Variants in PPFIBP2 observed in about 807,000 individuals in gnomAD.
PPFIBP2 encodes liprin-beta-2.
PPFIBP2 carries 118 observed loss-of-function variants against 118.3 expected under a neutral mutation model. The ratio of observed to expected loss-of-function variants is 1.00; its 90% CI spans 0.86 to 1.16. PPFIBP2 has a LOEUF of 1.16. PPFIBP2 is among the 50% of genes most tolerant of loss of function. The pLI, the probability that PPFIBP2 is intolerant of heterozygous loss-of-function variation, is 0.00. For missense variants in PPFIBP2, 1,195 were observed against 1,073.1 expected (o/e 1.11, Z -1.59); for synonymous variants, 414 against 397.4 (o/e 1.04, Z -0.50).
intron 2 of PPFIBP2, 65 bp from the exon 3 acceptor site, chr11:7,565,487 CT>C: frequency 6.5e-7 from 1 of 1,544,308 alleles, no homozygotes; most frequent in Non-Finnish European, 8.9e-7. Context: ...CACCTTTGCT[CT>C]TTACTAGTAC....
At chr11:7,586,305 T>C (rs7933428) in intron 3 of PPFIBP2, among the ~76,000 whole-genome samples, 15,587 of 152,274 alleles carry the variant, frequency 0.1, 853 homozygotes, top group South Asian at 0.15. Flanking sequence ...TTAAAACTTT[T>C]TGTAGAAGGC....
intron 3 of PPFIBP2, among the ~76,000 whole-genome samples, chr11:7,582,058 G>A (rs1590358633): frequency 6.6e-6 from 1 of 152,028 alleles, no homozygotes; most frequent in African/African-American, 2.4e-5. Context: ...GTCTGGTCTC[G>A]AACTCCTGAT....
At chr11:7,645,529 C>T (rs1022158815) in intron 17 of PPFIBP2, among the ~76,000 whole-genome samples, 2 of 152,214 alleles carry the variant, frequency 1.3e-5, no homozygotes, top group Non-Finnish European at 2.9e-5. Context: ...GGTATCTTCT[C>T]TGTCATCTCC....
downstream of PPFIBP2, chr11:7,655,538 A>AG (rs777157415): frequency 6.3e-6 from 8 of 1,274,880 alleles, no homozygotes; most frequent in South Asian, 9.9e-5. Flanking sequence ...GACTGGTGCC[A>AG]GGGAGGCCCA....
chr11:7,651,673 C>T lies in PPFIBP2; in HGVS notation c.2265C>T (p.Phe755=), dbSNP rs1854030916. 1 of 1,610,508 alleles carries T rather than the reference C, an allele frequency of 6.2e-7. No individual in the cohort carries two copies. Among genetic ancestry groups the T allele is most frequent in the Non-Finnish European group, 8.5e-7 (1 of 1,177,264 alleles). Residue 755 remains phenylalanine, a synonymous_variant, in exon 23 of 24, where the codon TTC becomes TTT. Coordinates refer to ENST00000299492, the MANE Select transcript of PPFIBP2 (RefSeq NM_003621.5). Reference sequence around the variant, plus strand: ...CTTCTTAGATCCTGGAGCCACGCTTCACTGGGGACACCCTGGCTATGCTTC... The same window carrying T: ...CTTCTTAGATCCTGGAGCCACGCTTTACTGGGGACACCCTGGCTATGCTTC... The part of the protein sequence containing the change: ...HGGLIILEPR[F]TGDTLAMLLN...
At chr11:7,528,062 C>T (rs1850380318) in intron 1 of PPFIBP2, among the ~76,000 whole-genome samples, 1 of 152,114 alleles carries the variant, frequency 6.6e-6, no homozygotes, top group Admixed American at 6.5e-5. Flanking sequence ...AAATTGATGT[C>T]CAGGCTGCCT....
At chr11:7,527,116 C>A (rs1024117104) in intron 1 of PPFIBP2, among the ~76,000 whole-genome samples, 11 of 150,948 alleles carry the variant, frequency 7.3e-5, no homozygotes, top group Non-Finnish European at 4.4e-5. Flanking sequence ...ACCTACCATA[C>A]CCTAGGAAGT....
chr11:7,548,347 A>G (rs1385602093), intron 1 of PPFIBP2: 2 of 152,232 alleles, frequency 1.3e-5, no homozygotes, highest in Non-Finnish European at 2.9e-5. Flanking sequence ...TTCACAGGAA[A>G]AACTGGCGGA....
chr11:7,523,015 A>G (rs1478977119), intron 1 of PPFIBP2, among the ~76,000 whole-genome samples: 2 of 152,132 alleles, frequency 1.3e-5, no homozygotes, highest in Non-Finnish European at 2.9e-5. Flanking sequence ...ATGGGGGTAC[A>G]GGGAACAGCT....
At position 7,583,260 on chromosome 11, in the gene PPFIBP2, C is replaced by T. The variant is rs565639643; in HGVS notation, c.280-9872C>T. 4.6e-5 allele frequency among the ~76,000 whole-genome samples: 7 copies of T among 152,298 alleles called. No homozygotes were observed. The South Asian group carries it at 1.2e-3, about 27-fold the overall frequency. The stretch of plus-strand genomic sequence containing the variant: ...TTTGGAAATCTTGTAGGATTAATGG[C>T]ATTCTTGTGACCCGAGGAGCAGCTC... On this transcript the variant is annotated intron_variant, in intron 3 of 23. Coordinates refer to ENST00000299492, the MANE Select transcript of PPFIBP2 (RefSeq NM_003621.5).
intron 1 of PPFIBP2, among the ~76,000 whole-genome samples, chr11:7,537,848 G>A (rs1232807343): frequency 6.6e-6 from 1 of 152,078 alleles, no homozygotes; most frequent in Non-Finnish European, 1.5e-5. Context: ...CCCTCTCCTT[G>A]TTGGAGTACC....
chr11:7,526,688 C>T (rs1312949645), intron 1 of PPFIBP2, among the ~76,000 whole-genome samples: 2 of 152,030 alleles, frequency 1.3e-5, no homozygotes, highest in African/African-American at 4.8e-5. Context: ...CTGGCTAACA[C>T]GGTGAAACCC....
chr11:7,582,214 T>G (rs1406604306), intron 3 of PPFIBP2, among the ~76,000 whole-genome samples: 1 of 152,178 alleles, frequency 6.6e-6, no homozygotes, highest in African/African-American at 2.4e-5. Flanking sequence ...CGATCAGAAC[T>G]GACAACCTCT....
chr11:7,628,540 G>T (rs1850325041), intron 9 of PPFIBP2, among the ~76,000 whole-genome samples, 194 bp downstream of exon 9: 1 of 152,188 alleles, frequency 6.6e-6, no homozygotes, highest in African/African-American at 2.4e-5. Context: ...TAACTGGAAA[G>T]TTTGTCTAAA....
rs141172678 is a variant in PPFIBP2, at chr11:7,541,875, G to C, written c.-36-7565G>C. Among the ~76,000 whole-genome samples, 47 of 152,232 alleles carry C rather than the reference G, an allele frequency of 3.1e-4. No homozygotes were observed. The East Asian group carries it at 8.9e-3, about 29-fold the overall frequency. On this transcript the variant is annotated intron_variant, in intron 1 of 23. Coordinates refer to ENST00000299492, the MANE Select transcript of PPFIBP2 (RefSeq NM_003621.5). The stretch of plus-strand genomic sequence containing the variant: ...TCTCTAGGTACTCAGGGCAAAAACC[G>C]TGTAGGCACACTTGACTCTGCTCTC...
chr11:7,544,148 T>G (rs1033314919), intron 1 of PPFIBP2, among the ~76,000 whole-genome samples: 4 of 152,220 alleles, frequency 2.6e-5, no homozygotes, highest in Admixed American at 6.5e-5. Context: ...GAATTGTGGA[T>G]GGACTGCATT....
chr11:7,546,468 T>G (rs1188249115), intron 1 of PPFIBP2, among the ~76,000 whole-genome samples: 2 of 152,234 alleles, frequency 1.3e-5, no homozygotes, highest in Admixed American at 1.3e-4. Flanking sequence ...GGGTCTTGTT[T>G]TATGGCCCTT....
intron 1 of PPFIBP2, among the ~76,000 whole-genome samples, chr11:7,520,417 T>C (rs1335405656): frequency 6.6e-6 from 1 of 152,048 alleles, no homozygotes; most frequent in Non-Finnish European, 1.5e-5. Flanking sequence ...GGACTGGGCC[T>C]GAGAAGAGAG....
At chr11:7,540,459 G>A (rs1262548546) in intron 1 of PPFIBP2, among the ~76,000 whole-genome samples, 1 of 152,118 alleles carries the variant, frequency 6.6e-6, no homozygotes, top group African/African-American at 2.4e-5. Context: ...GTGACCATGG[G>A]GGCATCACCA....
Sources: allele counts gnomAD v4.1 joint callset (sites outside exome capture counted in the v4.1 genomes callset), GRCh38; gene constraint gnomAD v4.1.1; transcripts MANE v1.5; gene names NCBI Gene and HGNC (gene_info 2026-07-23, HGNC 2026-07-21).